The following TRAPPC9 variants were observed in gnomAD, a reference collection of about 807,000 sequenced individuals.
TRAPPC9 encodes IKK2 binding protein.
A neutral mutation model predicts 124.0 loss-of-function variants in TRAPPC9; 83 were observed. That is an observed-to-expected ratio of 0.67 (90% CI 0.56 to 0.80). The LOEUF is 0.80. TRAPPC9 is among the 30% of genes least tolerant of loss of function. TRAPPC9 has a pLI of 0.00. For synonymous variants in TRAPPC9, 638 were observed against 617.5 expected, an observed-to-expected ratio of 1.03 and a Z score of -0.49; for missense variants, 1,302 against 1,508.3, an observed-to-expected ratio of 0.86 and a Z score of 2.27.
intron 15 of TRAPPC9, among the ~76,000 whole-genome samples, chr8:140,266,614 T>C (rs1462155236): frequency 6.6e-6 from 1 of 152,030 alleles, no homozygotes; most frequent in Non-Finnish European, 1.5e-5. Context: ...ATCCCAGCAC[T>C]TTGGGAGGCC....
chr8:139,843,101 C>T (rs1424905377), intron 21 of TRAPPC9, among the ~76,000 whole-genome samples: 1 of 152,206 alleles, frequency 6.6e-6, no homozygotes, highest in Non-Finnish European at 1.5e-5. Context: ...ACCTTATGTG[C>T]AATACCATGC....
At chr8:140,275,430 G>A (rs2065082156) in intron 15 of TRAPPC9, among the ~76,000 whole-genome samples, 3 of 152,216 alleles carry the variant, frequency 2.0e-5, no homozygotes, top group Admixed American at 2.0e-4. Context: ...GTCTTCTGCT[G>A]TGTGTCTTTC....
intron 21 of TRAPPC9, among the ~76,000 whole-genome samples, chr8:139,841,356 G>A (rs1416433154): frequency 1.3e-5 from 2 of 152,236 alleles, no homozygotes. Flanking sequence ...TTGGGTTGTG[G>A]ACATCTTGGG....
intron 17 of TRAPPC9, among the ~76,000 whole-genome samples, chr8:140,047,826 C>T (rs1841714109): frequency 6.6e-6 from 1 of 152,222 alleles, no homozygotes; most frequent in Admixed American, 6.5e-5. Flanking sequence ...CAGACTCCAA[C>T]CAGACTCCAG....
chr8:140,086,808 G>A (rs1206314846), intron 17 of TRAPPC9, among the ~76,000 whole-genome samples: 6 of 152,104 alleles, frequency 3.9e-5, no homozygotes, highest in East Asian at 1.9e-4. Context: ...AGTGGCAGGC[G>A]CCTGTAATCC....
At chr8:139,856,068 A>C (rs1189545802) in intron 21 of TRAPPC9, among the ~76,000 whole-genome samples, 1 of 152,160 alleles carries the variant, frequency 6.6e-6, no homozygotes, top group Non-Finnish European at 1.5e-5. Context: ...CTCCAGCTTC[A>C]CAGGCTGTGT....
intron 17 of TRAPPC9, among the ~76,000 whole-genome samples, chr8:140,135,485 A>G (rs932747610): frequency 1.3e-5 from 2 of 152,272 alleles, no homozygotes; most frequent in African/African-American, 4.8e-5. Context: ...CATATGCCAC[A>G]ACATGAATGA....
chr8:140,208,695 G>T (rs562942077), intron 17 of TRAPPC9, among the ~76,000 whole-genome samples: 4 of 152,330 alleles, frequency 2.6e-5, no homozygotes, highest in Admixed American at 6.5e-5. Context: ...CCTGTAGCAG[G>T]CACTGGAAGT....
At chr8:139,844,576 C>G (rs1826947391) in intron 21 of TRAPPC9, among the ~76,000 whole-genome samples, 1 of 152,182 alleles carries the variant, frequency 6.6e-6, no homozygotes, top group Admixed American at 6.5e-5. Flanking sequence ...CCTGTCTGGA[C>G]ACAAACCACA....
chr8:140,192,370 A>C (rs2062515157), intron 17 of TRAPPC9, among the ~76,000 whole-genome samples: 1 of 152,398 alleles, frequency 6.6e-6, no homozygotes, highest in East Asian at 1.9e-4. Context: ...GATCACCTCA[A>C]CGTAGGCAAA....
chr8:140,024,891 C>T (rs925345301), intron 17 of TRAPPC9, among the ~76,000 whole-genome samples: 1 of 152,162 alleles, frequency 6.6e-6, no homozygotes, highest in African/African-American at 2.4e-5. Flanking sequence ...GAGTAAAAGC[C>T]GACAAACTCC....
chr8:140,291,314 G>A (rs920458347), intron 11 of TRAPPC9: 1 of 584,150 alleles, frequency 1.7e-6, no homozygotes, highest in Non-Finnish European at 3.1e-6. Flanking sequence ...ACTGCCTTCG[G>A]CGGGCTGCAT....
intron 6 of TRAPPC9, among the ~76,000 whole-genome samples, chr8:140,401,451 A>G (rs1278126284): frequency 6.6e-6 from 1 of 152,224 alleles, no homozygotes; most frequent in Non-Finnish European, 1.5e-5. Context: ...TCATGACACA[A>G]GAAAAAACTA....
chr8:139,960,355 G>A (rs1835295612), intron 19 of TRAPPC9, among the ~76,000 whole-genome samples: 2 of 152,162 alleles, frequency 1.3e-5, no homozygotes, highest in Admixed American at 1.3e-4. Context: ...CTGTTGGGGT[G>A]AGTCTGCCCA....
intron 9 of TRAPPC9, among the ~76,000 whole-genome samples, chr8:140,319,353 AT>A (rs1291109650): frequency 6.6e-6 from 1 of 151,026 alleles, no homozygotes; most frequent in African/African-American, 2.4e-5. Context: ...TTTTTTTTGT[AT>A]TTTTAGTAGA....
Position 140,215,604 on chromosome 8 carries a change from C to T in TRAPPC9, c.2556+5855G>A, listed in dbSNP as rs1438653596. ...GAGGTTGCAGTGAGCCAAGATCACG[C>T]CACTGCTCTCCAGCCTGAGCGACAG... On this transcript the variant is annotated intron_variant, in intron 17 of 22. Transcript: ENST00000438773. 4.6e-5 allele frequency among the ~76,000 whole-genome samples: 7 copies of T among 151,742 alleles called. No homozygotes were observed. In the South Asian group the frequency reaches 8.3e-4, roughly 18 times the overall value.
At chr8:139,798,686 C>T (rs942966380) in intron 21 of TRAPPC9, among the ~76,000 whole-genome samples, 5 of 152,214 alleles carry the variant, frequency 3.3e-5, no homozygotes, top group Non-Finnish European at 7.3e-5. Context: ...CAGTGGTTCT[C>T]TTCTGAAGCT....
rs1586717074 is a variant in TRAPPC9, at chr8:139,730,758, T to C, written c.*303A>G. On this transcript the variant is annotated 3_prime_UTR_variant, in exon 23 of 23. Coordinates refer to ENST00000438773, the MANE Select transcript of TRAPPC9 (RefSeq NM_001160372.4). The stretch of plus-strand genomic sequence containing the variant: ...TGGGGCCCCAGGTCACAGAAATGGG[T>C]GCAGGGATCCTGGGACCTGGGCTGG... 1 of 437,352 alleles carries C rather than the reference T, an allele frequency of 2.3e-6. No individual in the cohort carries two copies. The highest frequency in any genetic ancestry group is 3.7e-5 in the Admixed American group (1 of 27,068). The allele number at this position is 437,352 out of a possible 1,614,324, so 27.1% of individuals were successfully genotyped here. A position where few individuals can be genotyped will look rare whatever the true frequency, so the allele number is the denominator to read the frequency against.
chr8:139,994,168 G>C (rs1201286668), intron 18 of TRAPPC9, among the ~76,000 whole-genome samples: 1 of 152,232 alleles, frequency 6.6e-6, no homozygotes, highest in Non-Finnish European at 1.5e-5. Context: ...CTTAGGGAAG[G>C]GATGCCAGGA....
Sources: gnomAD v4.1 joint callset for allele counts (sites outside exome capture counted in the v4.1 genomes callset) on GRCh38, gnomAD v4.1.1 for gene constraint, MANE v1.5 for transcripts, NCBI Gene and HGNC (gene_info 2026-07-23, HGNC 2026-07-21) for gene names.